Variants in TBC1D4 observed in about 807,000 individuals in gnomAD.
The protein encoded by TBC1D4 is TBC (Tre-2, BUB2, CDC16) domain-containing protein.
Under a neutral mutation model 142.5 loss-of-function variants are expected in TBC1D4, and 121 were observed. The ratio of observed to expected loss-of-function variants is 0.85; its 90% CI spans 0.73 to 0.99. The LOEUF (loss-of-function observed/expected upper bound fraction) is 0.99, where lower values mean the gene tolerates loss of function less well. Among genes scored for constraint, TBC1D4 ranks in the 50% least tolerant of loss-of-function variants. The pLI, the probability that TBC1D4 is intolerant of heterozygous loss-of-function variation, is 0.00. For missense variants in TBC1D4, 1,475 were observed against 1,606.6 expected (o/e 0.92, Z 1.40); for synonymous variants, 630 against 628.2 (o/e 1.00, Z -0.04).
intron 11 of TBC1D4, among the ~76,000 whole-genome samples, chr13:75,323,436 C>G (rs908483224): frequency 5.1e-4 from 77 of 152,038 alleles, no homozygotes; most frequent in African/African-American, 1.7e-3. Flanking sequence ...TTTCTAGAGG[C>G]TGCAGCACCC....
At chr13:75,290,043 T>C (rs1012911955) in intron 19 of TBC1D4, among the ~76,000 whole-genome samples, 4 of 152,206 alleles carry the variant, frequency 2.6e-5, no homozygotes, top group Non-Finnish European at 5.9e-5. Context: ...ATACAATGGA[T>C]TATTATACAA....
chr13:75,308,506 T>C (rs1427028885), intron 14 of TBC1D4, among the ~76,000 whole-genome samples: 1 of 152,200 alleles, frequency 6.6e-6, no homozygotes, highest in African/African-American at 2.4e-5. Flanking sequence ...ATGAAGAATC[T>C]AGCTAAGTAA....
chr13:75,456,718 C>T (rs1374752215), intron 1 of TBC1D4, among the ~76,000 whole-genome samples: 1 of 150,226 alleles, frequency 6.7e-6, no homozygotes, highest in Non-Finnish European at 1.5e-5. Flanking sequence ...ACTGGTCCAA[C>T]ACTCTGGAAA....
At chr13:75,378,586 G>C (rs184188176) in intron 1 of TBC1D4, among the ~76,000 whole-genome samples, 3 of 152,200 alleles carry the variant, frequency 2.0e-5, no homozygotes, top group Admixed American at 1.3e-4. Flanking sequence ...ATAATGAAGG[G>C]AAAAAGTTGA....
At chr13:75,327,902 G>C in intron 8 of TBC1D4, 76 bp from the exon 9 acceptor site, 1 of 1,475,734 alleles carries the variant, frequency 6.8e-7, no homozygotes, top group South Asian at 1.1e-5. Flanking sequence ...GTAGTTCCAG[G>C]TGGTCTCTTA....
chr13:75,299,567 C>T lies in TBC1D4; in HGVS notation c.2919G>A (p.Thr973=), dbSNP rs774472688. ...CTGAAAAGTAAGGGTGAGTAGGAAA[C>T]GTCCTTCCTGCAGAGGAAAAGAAGG... ...QHAILVDLGR[T]FPTHPYFSVQ... is the part of the protein sequence containing the mutation. The change falls in exon 17 of 21, where the codon ACG becomes ACA. Residue 973 remains threonine (T), a synonymous_variant. Transcript: ENST00000377636. 9 of 1,613,946 alleles carry T rather than the reference C, an allele frequency of 5.6e-6. No homozygotes were observed. Among genetic ancestry groups the T allele is most frequent in the South Asian group, 5.5e-5 (5 of 91,096 alleles).
At chr13:75,470,216 A>G (rs1888342000) in intron 1 of TBC1D4, among the ~76,000 whole-genome samples, 2 of 152,216 alleles carry the variant, frequency 1.3e-5, no homozygotes, top group South Asian at 4.1e-4. Flanking sequence ...TGGGGACCAT[A>G]AAGTCTCTGT....
In TBC1D4 at chr13:75,361,793, T is replaced by C. The variant is rs34842399; in HGVS notation, c.1080+233A>G. Reference sequence around the variant, plus strand: ...CGTTCTACGAATTGCTTCCTCCTCCTCTTCCTTCCCTACTCCCTTAATTCT... The same window carrying C: ...CGTTCTACGAATTGCTTCCTCCTCCCCTTCCTTCCCTACTCCCTTAATTCT... On this transcript the variant is annotated intron_variant, in intron 2 of 20. Transcript: ENST00000377636. 0.41 allele frequency among the ~76,000 whole-genome samples: 62,392 copies of C among 151,952 alleles called. 14,705 individuals are homozygous for C. Among genetic ancestry groups the C allele is most frequent in the South Asian group, 0.66 (3,200 of 4,816 alleles).
chr13:75,348,952 AGAGTGTGTGTGT>A (rs1023947132), intron 5 of TBC1D4, among the ~76,000 whole-genome samples: 4 of 119,998 alleles, frequency 3.3e-5, no homozygotes, highest in African/African-American at 1.3e-4. Flanking sequence ...AGAGAGAGAG[AGAGTGTGTGTGT>A]GTGTGTGTGT....
rs759756870 is a variant in TBC1D4 at position 75,481,710 on chromosome 13, G to T, written c.58C>A (p.Pro20Thr). The T allele has an allele frequency of 3.1e-6, 5 of 1,596,092 alleles. No homozygotes were observed. Among genetic ancestry groups the T allele is most frequent in the Admixed American group, 3.5e-5 (2 of 56,620 alleles). The change falls in exon 1 of 21, where the codon CCG becomes ACG. Residue 20 changes from proline to threonine, a missense_variant. Transcript: ENST00000377636. Reference sequence around the variant, plus strand: ...GGGCCGGGCTGAGCTGAGACGCCCGGCTCGGGCTCCAGGGGGTGCGGGAAC... The same window carrying T: ...GGGCCGGGCTGAGCTGAGACGCCCGTCTCGGGCTCCAGGGGGTGCGGGAAC... ...EPFPHPLEPE[P>T]GVSAQPGPGK...
At position 75,284,396 on chromosome 13, in the gene TBC1D4, C is replaced by T. The variant is rs530508919; in HGVS notation, c.*2396G>A. ...GATCCCATCTGGGGATGATGGGAGA[C>T]AGTGACAGATCATCAGGCATTCGAT... On this transcript the variant is annotated 3_prime_UTR_variant, in exon 21 of 21. Coordinates refer to ENST00000377636, the MANE Select transcript of TBC1D4 (RefSeq NM_014832.5). Among the ~76,000 whole-genome samples, 3 of 152,292 alleles carry T rather than the reference C, an allele frequency of 2.0e-5. No individual in the cohort carries two copies. In the South Asian group the frequency reaches 6.2e-4, roughly 32 times the overall value.
intron 1 of TBC1D4, among the ~76,000 whole-genome samples, chr13:75,394,796 A>G (rs1055276696): frequency 6.6e-6 from 1 of 152,232 alleles, no homozygotes; most frequent in Non-Finnish European, 1.5e-5. Context: ...ATGTTATTGT[A>G]CTTTCAATAC....
At position 75,309,979 on chromosome 13, in the gene TBC1D4, C is replaced by T. The variant is rs756385842; in HGVS notation, c.2556G>A (p.Leu852=). The T allele has an allele frequency of 3.1e-6, 5 of 1,613,960 alleles. No homozygotes were observed. The African/African-American group carries it at 6.7e-5, about 22-fold the overall frequency. ...LWRKAIHQQI[L]LLRMEKENQK... ...GGTTTTCTTTTTCCATTCGAAGTAA[C>T]AAGATTTGTTGGTGTATAGCTTTTC... Residue 852 remains leucine, a synonymous_variant, in exon 14 of 21, where the codon TTG becomes TTA. Transcript: ENST00000377636.
intron 1 of TBC1D4, among the ~76,000 whole-genome samples, chr13:75,472,609 G>A (rs1209519238): frequency 6.6e-6 from 1 of 151,968 alleles, no homozygotes; most frequent in Non-Finnish European, 1.5e-5. Flanking sequence ...TAACAGGAAG[G>A]GGCGAGGACC....
At chr13:75,414,791 C>T (rs892617772) in intron 1 of TBC1D4, among the ~76,000 whole-genome samples, 1 of 152,022 alleles carries the variant, frequency 6.6e-6, no homozygotes, top group African/African-American at 2.4e-5. Context: ...CATTCAAAGT[C>T]AACAATGTGA....
chr13:75,426,315 G>T (rs1470953935), intron 1 of TBC1D4, among the ~76,000 whole-genome samples: 1 of 152,078 alleles, frequency 6.6e-6, no homozygotes, highest in Non-Finnish European at 1.5e-5. Flanking sequence ...GTAGAAAAGG[G>T]AAAAAATCCT....
intron 12 of TBC1D4, among the ~76,000 whole-genome samples, chr13:75,315,073 G>A (rs951213270): frequency 3.3e-5 from 5 of 151,846 alleles, no homozygotes; most frequent in Admixed American, 6.6e-5. Flanking sequence ...TTGGGAGGCC[G>A]AGGCAGGCAG....
At chr13:75,326,752 G>T (rs1879299782) in intron 9 of TBC1D4, among the ~76,000 whole-genome samples, 1 of 152,178 alleles carries the variant, frequency 6.6e-6, no homozygotes. Context: ...ACTTTGTGAT[G>T]AAACGCTAGA....
At chr13:75,410,124 T>A (rs559559150) in intron 1 of TBC1D4, among the ~76,000 whole-genome samples, 1 of 152,322 alleles carries the variant, frequency 6.6e-6, no homozygotes, top group Non-Finnish European at 1.5e-5. Flanking sequence ...TGTACGTAAA[T>A]AACGGTGTAT....
Sources: gnomAD v4.1 joint callset for allele counts (sites outside exome capture counted in the v4.1 genomes callset) on GRCh38, gnomAD v4.1.1 for gene constraint, MANE v1.5 for transcripts, NCBI Gene and HGNC (gene_info 2026-07-23, HGNC 2026-07-21) for gene names.